The following CRAMP1 variants were observed in gnomAD, a reference collection of about 807,000 sequenced individuals.
CRAMP1 encodes cramped chromatin regulator 1, also known as protein cramped-like.
CRAMP1 carries 50 observed loss-of-function variants against 115.4 expected under a neutral mutation model. The observed-to-expected ratio is 0.43, with a 90% CI of 0.35 to 0.55. The LOEUF is 0.55. Among genes scored for constraint, CRAMP1 ranks in the 20% least tolerant of loss-of-function variants. The pLI is 0.01. For missense variants in CRAMP1, 1,679 were observed against 1,721.7 expected (o/e 0.98, Z 0.44); for synonymous variants, 866 against 745.4 (o/e 1.16, Z -2.64).
chr16:1,637,760 A>T (rs911742324), intron 4 of CRAMP1, 64 bp from the exon 5 acceptor site: 6 of 784,318 alleles, frequency 7.6e-6, no homozygotes, highest in Non-Finnish European at 1.2e-5. Flanking sequence ...TGTGGCTCTC[A>T]CACCCAAGCC....
At chr16:1,620,831 G>C in intron 2 of CRAMP1, 1 of 375,620 alleles carries the variant, frequency 2.7e-6, no homozygotes, top group Non-Finnish European at 5.6e-6. Flanking sequence ...TGACGGCACG[G>C]CATGGGAAAC....
intron 11 of CRAMP1, 83 bp from the exon 12 acceptor site, chr16:1,662,407 C>T (rs1357546241): frequency 3.4e-5 from 40 of 1,171,708 alleles, no homozygotes; most frequent in Middle Eastern, 2.0e-4. Context: ...GTCTTTCTGA[C>T]TTTCTTCCCA....
intron 5 of CRAMP1, among the ~76,000 whole-genome samples, chr16:1,639,418 C>T (rs185466807): frequency 2.6e-4 from 40 of 151,268 alleles, no homozygotes; most frequent in African/African-American, 9.7e-4. Flanking sequence ...TAGAGGTTTC[C>T]CATTGGCTGC....
At chr16:1,635,024 G>T (rs1040874857) in intron 4 of CRAMP1, among the ~76,000 whole-genome samples, 1 of 152,062 alleles carries the variant, frequency 6.6e-6, no homozygotes, top group African/African-American at 2.4e-5. Flanking sequence ...TCAGCCTCCC[G>T]AGTAGCTGGG....
intron 8 of CRAMP1, among the ~76,000 whole-genome samples, chr16:1,654,347 G>A (rs2036751340): frequency 6.6e-6 from 1 of 151,734 alleles, no homozygotes; most frequent in African/African-American, 2.4e-5. Context: ...GAGCAGCTGG[G>A]ATTACATGCG....
Position 1,676,332 on chromosome 16 carries a change from CA to C in CRAMP1, c.*2289del, listed in dbSNP as rs3840039. The C allele has an allele frequency of 0.14, 21,196 of 152,310 alleles. 1,934 individuals are homozygous for C. The highest frequency in any genetic ancestry group is 0.23 in the African/African-American group (9,615 of 41,474). The allele number at this position is 152,310 out of a possible 1,614,324, so 9.4% of individuals were successfully genotyped here. ...GACTCCTCTCCTGTAATAAAGCTGACAAGAGTTCTAGAGGATTCTGCTTCTC... is the reference window on the plus strand; with the variant it reads ...GACTCCTCTCCTGTAATAAAGCTGACAGAGTTCTAGAGGATTCTGCTTCTC... On this transcript the variant is annotated 3_prime_UTR_variant, in exon 21 of 21. Coordinates refer to ENST00000397412, the MANE Select transcript of CRAMP1 (RefSeq NM_020825.4).
In CRAMP1 at chr16:1,632,448, C is replaced by T. The variant is rs560855897; in HGVS notation, c.694+83C>T. On this transcript the variant is annotated intron_variant, in intron 4 of 20. Coordinates refer to ENST00000397412, the MANE Select transcript of CRAMP1 (RefSeq NM_020825.4). The stretch of plus-strand genomic sequence containing the variant: ...AGAGCGCAGCTTCCAGCAAGCCCGC[C>T]GGACCTGCTTTCTGGCATTTTCTCA... The T allele has an allele frequency of 7.0e-5, 96 of 1,363,662 alleles. 1 individual carries two copies. In the South Asian group the frequency reaches 9.4e-4, roughly 13 times the overall value. The allele number at this position is 1,363,662 out of a possible 1,614,324, so 84.5% of individuals were successfully genotyped here. A position where few individuals can be genotyped will look rare whatever the true frequency, so the allele number is the denominator to read the frequency against.
intron 6 of CRAMP1, among the ~76,000 whole-genome samples, chr16:1,643,548 GAAA>G (rs541292575): frequency 7.6e-6 from 1 of 131,566 alleles, no homozygotes; most frequent in African/African-American, 2.8e-5. Flanking sequence ...CTAGGGGAAA[GAAA>G]AAAAAAAAAA....
chr16:1,673,092 G>T (rs1200951033), intron 20 of CRAMP1, among the ~76,000 whole-genome samples: 2 of 151,494 alleles, frequency 1.3e-5, no homozygotes. Context: ...TCATTTCTCT[G>T]ACGGGAACGT....
At chr16:1,661,498 C>T (rs2036828770) in intron 11 of CRAMP1, among the ~76,000 whole-genome samples, 1 of 122,670 alleles carries the variant, frequency 8.2e-6, no homozygotes, top group Admixed American at 7.9e-5. Context: ...TCCTGGGTGA[C>T]GGAGGGGGCC....
At position 1,671,494 on chromosome 16, in the gene CRAMP1, T is replaced by C. The variant is rs578089436; in HGVS notation, c.3645+685T>C. Among the ~76,000 whole-genome samples, 2 of 152,334 alleles carry C rather than the reference T, an allele frequency of 1.3e-5. No homozygotes were observed. Among genetic ancestry groups the C allele is most frequent in the African/African-American group, 4.8e-5 (2 of 41,568 alleles). Reference sequence around the variant, plus strand: ...TGTGGCATTCGTGGGCAGGTCAGGCTTGCAGGGTGAAGACAGGCCCGTTTC... The same window carrying C: ...TGTGGCATTCGTGGGCAGGTCAGGCCTGCAGGGTGAAGACAGGCCCGTTTC... On this transcript the variant is annotated intron_variant, in intron 20 of 20. Transcript: ENST00000397412. This position sits in a 1 kb window ranked among gnomAD's most constrained non-coding sequence, Gnocchi z 5.0.
At chr16:1,634,887 G>A (rs2036575151) in intron 4 of CRAMP1, among the ~76,000 whole-genome samples, 1 of 152,086 alleles carries the variant, frequency 6.6e-6, no homozygotes, top group African/African-American at 2.4e-5. Context: ...TTTTTGGCGT[G>A]CTTTGGAGTT....
intron 17 of CRAMP1, 145 bp downstream of exon 17, chr16:1,667,545 G>A (rs1032352817): frequency 1.5e-5 from 10 of 680,914 alleles, no homozygotes; most frequent in Non-Finnish European, 2.4e-5. Context: ...CTGCTGTGCC[G>A]ACTGCCCAGG....
At chr16:1,624,129 G>A (rs998329271) in intron 2 of CRAMP1, among the ~76,000 whole-genome samples, 7 of 151,554 alleles carry the variant, frequency 4.6e-5, no homozygotes, top group Non-Finnish European at 8.8e-5. Context: ...TGACTGAGAG[G>A]CTGAGTTTTT....
chr16:1,670,198 C>T (rs1167517203), intron 19 of CRAMP1, among the ~76,000 whole-genome samples: 1 of 151,622 alleles, frequency 6.6e-6, no homozygotes, highest in African/African-American at 2.4e-5. Context: ...CCTAGGAATT[C>T]GAGGCTGCAG....
chr16:1,665,997 C>A, intron 14 of CRAMP1, 76 bp from the exon 15 acceptor site: 1 of 931,380 alleles, frequency 1.1e-6, no homozygotes, highest in Admixed American at 2.0e-5. Flanking sequence ...GTAAAGGAAG[C>A]CCCCTGCGGC....
chr16:1,673,965 T>TC lies in CRAMP1; in HGVS notation c.3732dup (p.Ile1245HisfsTer3), dbSNP rs2036945093. 1 of 1,613,296 alleles carries TC rather than the reference T, an allele frequency of 6.2e-7. No homozygotes were observed. The highest frequency in any genetic ancestry group is 8.5e-7 in the Non-Finnish European group (1 of 1,179,896). ...GTTCAATGACCTGGCCCAAGAGCTG[T>TC]CCATCGCTGAGCCTGGCCGCCGAGA... On this transcript the variant is annotated frameshift_variant, in exon 21 of 21. Coordinates refer to ENST00000397412, the MANE Select transcript of CRAMP1 (RefSeq NM_020825.4). LOFTEE classifies it high-confidence loss of function.
intron 6 of CRAMP1, among the ~76,000 whole-genome samples, chr16:1,644,005 T>C (rs1360353581): frequency 1.3e-5 from 2 of 152,234 alleles, no homozygotes; most frequent in African/African-American, 4.8e-5. Context: ...GCTACCAGCT[T>C]GTCTGGAAAA....
In CRAMP1 at chr16:1,672,142, A is replaced by G. The variant is rs75258564; in HGVS notation, c.3645+1333A>G. ...AAAGGACGGGCCACAGCCCAGTGAC[A>G]GGAGCCCCTTGGAGTCAGAAATCCA... On this transcript the variant is annotated intron_variant, in intron 20 of 20. Transcript: ENST00000397412. The surrounding 1 kb of genome is among the most constrained non-coding windows in gnomAD (Gnocchi z 4.9). Among the ~76,000 whole-genome samples, 3,349 of 152,334 alleles carry G rather than the reference A, an allele frequency of 0.022. 233 individuals carry two copies. The highest frequency in any genetic ancestry group is 0.13 in the Admixed American group (1,964 of 15,288).
Sources: allele counts gnomAD v4.1 joint callset (sites outside exome capture counted in the v4.1 genomes callset), GRCh38; gene constraint gnomAD v4.1.1; non-coding constraint Gnocchi (gnomAD v3.1); transcripts MANE v1.5; gene names NCBI Gene and HGNC (gene_info 2026-07-23, HGNC 2026-07-21).